PKN2: variants seen among roughly 807,000 people sequenced by gnomAD.
The protein encoded by PKN2 is protein kinase N2, also known as serine/threonine-protein kinase N2.
Under a neutral mutation model 119.1 loss-of-function variants are expected in PKN2, and 38 were observed. That is an observed-to-expected ratio of 0.32 (90% CI 0.25 to 0.42). The LOEUF (loss-of-function observed/expected upper bound fraction) is 0.42, where lower values mean the gene tolerates loss of function less well. Among genes scored for constraint, PKN2 ranks in the 10% least tolerant of loss-of-function variants. PKN2 has a pLI of 1.00. For synonymous variants in PKN2, 390 were observed against 384.9 expected (o/e 1.01, Z -0.15); for missense variants, 850 against 1,165.1 (o/e 0.73, Z 3.94).
chr1:88,684,480 T>G lies in PKN2; in HGVS notation c.-101T>G, dbSNP rs574944823. ...GAATCCCTAGTTGTTTTTTTTTTTT[T>G]CTTTCTCTCCCCTCTCCTCACCCCC... On this transcript the variant is annotated 5_prime_UTR_variant, in exon 1 of 22. Transcript: ENST00000370521. The G allele has an allele frequency of 2.1e-6, 2 of 961,698 alleles. No individual in the cohort carries two copies. The highest frequency in any genetic ancestry group is 3.0e-6 in the Non-Finnish European group (2 of 668,082). The allele number at this position is 961,698 out of a possible 1,614,324, so 59.6% of individuals were successfully genotyped here.
In PKN2 at chr1:88,828,539, A is replaced by G. The variant is rs1184863985; in HGVS notation, c.2478A>G (p.Pro826=). Residue 826 remains proline (P), a synonymous_variant, in exon 19 of 22, where the codon CCA becomes CCG. Transcript: ENST00000370521. Reference sequence around the variant, plus strand: ...GTGGCACTCCTGAATTTCTTGCCCCAGAAGTATTAACAGAAACTTCTTATA... The same window carrying G: ...GTGGCACTCCTGAATTTCTTGCCCCGGAAGTATTAACAGAAACTTCTTATA... The part of the protein sequence containing the change: ...TFCGTPEFLA[P]EVLTETSYTR... The G allele has an allele frequency of 3.1e-6, 5 of 1,613,066 alleles. No homozygotes were observed. Among genetic ancestry groups the G allele is most frequent in the Middle Eastern group, 3.3e-4 (2 of 6,076 alleles).
chr1:88,740,903 ACT>A (rs1668553021), intron 1 of PKN2, 83 bp from the exon 2 acceptor site: 1 of 779,814 alleles, frequency 1.3e-6, no homozygotes, highest in East Asian at 2.7e-5. Flanking sequence ...ATCAAGAAAG[ACT>A]CTCTTAGGCT....
intron 1 of PKN2, among the ~76,000 whole-genome samples, chr1:88,729,159 G>A (rs1208726506): frequency 6.6e-6 from 1 of 152,098 alleles, no homozygotes; most frequent in Non-Finnish European, 1.5e-5. Context: ...CTCCCAAAGT[G>A]TTGGGATTAC....
intron 16 of PKN2, among the ~76,000 whole-genome samples, 192 bp from the exon 17 acceptor site, chr1:88,821,749 T>C (rs768996541): frequency 2.6e-4 from 40 of 152,222 alleles, no homozygotes; most frequent in Non-Finnish European, 4.6e-4. Flanking sequence ...ATGGCTTCCA[T>C]TGTCAAGACT....
chr1:88,728,544 A>C (rs1442265534), intron 1 of PKN2, among the ~76,000 whole-genome samples: 2 of 151,982 alleles, frequency 1.3e-5, no homozygotes, highest in Non-Finnish European at 2.9e-5. Flanking sequence ...AATGGACTTT[A>C]TTCTTGAACA....
chr1:88,741,567 T>C (rs2100745776), intron 2 of PKN2, among the ~76,000 whole-genome samples: 1 of 152,264 alleles, frequency 6.6e-6, no homozygotes. Context: ...CCAGTATTAA[T>C]GTTTTGTATT....
At position 88,803,011 on chromosome 1, in the gene PKN2, C is replaced by T. The variant is rs552096094; in HGVS notation, c.1282-1380C>T. 3.9e-5 allele frequency among the ~76,000 whole-genome samples: 6 copies of T among 152,270 alleles called. No individual in the cohort carries two copies. The East Asian group carries it at 1.2e-3, about 29-fold the overall frequency. ...ATAACTGCTTCCAAAATACTTAACA[C>T]TTTTAACTTCAATAGAATATTATAG... On this transcript the variant is annotated intron_variant, in intron 8 of 21. Transcript: ENST00000370521.
intron 2 of PKN2, among the ~76,000 whole-genome samples, chr1:88,751,341 T>A (rs1668986219): frequency 6.6e-6 from 1 of 151,556 alleles, no homozygotes; most frequent in African/African-American, 2.4e-5. Context: ...ATACAAGGTG[T>A]CCCTTTTATA....
chr1:88,706,181 A>G lies in PKN2; in HGVS notation c.48+21553A>G, dbSNP rs568388309. ...CTAATTTCTTTCAGCAGTATTTTGT[A>G]GTATTCAGTGTATGGGTCTTTTACA... is the stretch of plus-strand genomic sequence containing the variant. On this transcript the variant is annotated intron_variant, in intron 1 of 21. Coordinates refer to ENST00000370521, the MANE Select transcript of PKN2 (RefSeq NM_006256.4). Among the ~76,000 whole-genome samples, 5 of 152,284 alleles carry G rather than the reference A, an allele frequency of 3.3e-5. No homozygotes were observed. In the South Asian group the frequency reaches 1.0e-3, roughly 32 times the overall value.
At chr1:88,803,752 T>G (rs557132555) in intron 8 of PKN2, among the ~76,000 whole-genome samples, 13 of 152,390 alleles carry the variant, frequency 8.5e-5, no homozygotes, top group African/African-American at 3.1e-4. Flanking sequence ...TTTTAAATTA[T>G]GTTTTATTGT....
At chr1:88,727,819 AT>A (rs1202162034) in intron 1 of PKN2, among the ~76,000 whole-genome samples, 1 of 152,102 alleles carries the variant, frequency 6.6e-6, no homozygotes, top group Non-Finnish European at 1.5e-5. Context: ...TTTTCTTCCA[AT>A]TTGATAATAC....
At chr1:88,762,096 A>G (rs974569446) in intron 3 of PKN2, among the ~76,000 whole-genome samples, 1 of 152,162 alleles carries the variant, frequency 6.6e-6, no homozygotes, top group Non-Finnish European at 1.5e-5. Flanking sequence ...GCAAGTGTGT[A>G]TGTTGATAGT....
intron 16 of PKN2, among the ~76,000 whole-genome samples, chr1:88,817,835 C>T (rs995066727): frequency 6.6e-6 from 1 of 152,114 alleles, no homozygotes; most frequent in Middle Eastern, 3.2e-3. Context: ...GACAAACCCA[C>T]AGCCAATATT....
At chr1:88,762,008 C>T (rs1669467078) in intron 3 of PKN2, among the ~76,000 whole-genome samples, 1 of 151,912 alleles carries the variant, frequency 6.6e-6, no homozygotes, top group Non-Finnish European at 1.5e-5. Flanking sequence ...AGCTACTGCC[C>T]TGTAGAGTAA....
At chr1:88,695,745 G>C (rs993310302) in intron 1 of PKN2, among the ~76,000 whole-genome samples, 1 of 152,098 alleles carries the variant, frequency 6.6e-6, no homozygotes, top group African/African-American at 2.4e-5. Flanking sequence ...ATACTTTCCT[G>C]GGCTTTTGCT....
At chr1:88,735,413 T>C (rs1668298600) in intron 1 of PKN2, among the ~76,000 whole-genome samples, 1 of 152,094 alleles carries the variant, frequency 6.6e-6, no homozygotes, top group African/African-American at 2.4e-5. Context: ...CCTTCCACCT[T>C]GGCCACCCAA....
intron 1 of PKN2, among the ~76,000 whole-genome samples, chr1:88,713,763 G>T (rs1353811973): frequency 6.6e-6 from 1 of 152,148 alleles, no homozygotes; most frequent in African/African-American, 2.4e-5. Flanking sequence ...CTTTTGCTAT[G>T]CAGAAGCTCT....
chr1:88,779,708 A>G (rs1204380012), intron 6 of PKN2, among the ~76,000 whole-genome samples: 6 of 152,230 alleles, frequency 3.9e-5, no homozygotes, highest in East Asian at 1.9e-4. Context: ...TCAATATTGC[A>G]TAGCATACTA....
intron 8 of PKN2, among the ~76,000 whole-genome samples, chr1:88,796,342 C>G (rs974871199): frequency 2.6e-5 from 4 of 152,114 alleles, no homozygotes; most frequent in Admixed American, 2.6e-4. Context: ...TGATGTGATC[C>G]AATCCCTACC....
Sources: allele counts gnomAD v4.1 joint callset (sites outside exome capture counted in the v4.1 genomes callset), GRCh38; gene constraint gnomAD v4.1.1; transcripts MANE v1.5; gene names NCBI Gene and HGNC (gene_info 2026-07-23, HGNC 2026-07-21).